Variants in DNPEP observed in about 807,000 individuals in gnomAD.
DNPEP encodes the protein aspartyl aminopeptidase.
Under a neutral mutation model 59.1 loss-of-function variants are expected in DNPEP, and 46 were observed. That is an observed-to-expected ratio of 0.78 (90% CI 0.61 to 0.99). DNPEP has a LOEUF of 0.99. DNPEP is among the 50% of genes least tolerant of loss of function. DNPEP has a pLI of 0.00. For missense variants in DNPEP, 617 were observed against 649.9 expected, an observed-to-expected ratio of 0.95 and a Z score of 0.55; for synonymous variants, 229 against 242.2, an observed-to-expected ratio of 0.95 and a Z score of 0.50.
chr2:219,385,168 C>T (rs968953061), intron 8 of DNPEP: 9 of 443,388 alleles, frequency 2.0e-5, no homozygotes, highest in Non-Finnish European at 3.7e-5. Flanking sequence ...ACAGGGCCCA[C>T]CTGTAGAAGA....
At chr2:219,377,456 A>C (rs1953420820) in intron 13 of DNPEP, among the ~76,000 whole-genome samples, 1 of 152,102 alleles carries the variant, frequency 6.6e-6, no homozygotes, top group Non-Finnish European at 1.5e-5. Context: ...GGTGGGGGGA[A>C]CTGTGCTACA....
rs956810694 is a variant in DNPEP, at chr2:219,398,539, A to C, written c.-158+1401T>G. Among the ~76,000 whole-genome samples, 3 of 152,258 alleles carry C rather than the reference A, an allele frequency of 2.0e-5. No homozygotes were observed. In the East Asian group the frequency reaches 5.8e-4, roughly 29 times the overall value. On this transcript the variant is annotated intron_variant, in intron 1 of 6. Coordinates refer to the DNPEP transcript ENST00000434339. ...GTGGTACATGCCTGTAATCCTAGCTACTTGGGAGGATGAGGCAGGAGAATC... is the reference window on the plus strand; with the variant it reads ...GTGGTACATGCCTGTAATCCTAGCTCCTTGGGAGGATGAGGCAGGAGAATC...
At chr2:219,387,564 TC>T in intron 1 of DNPEP, 194 bp downstream of exon 1, 1 of 1,256,172 alleles carries the variant, frequency 8.0e-7, no homozygotes, top group Non-Finnish European at 1.0e-6. Flanking sequence ...CTGACTCCTC[TC>T]TCGCACCCAC....
At chr2:219,376,167 A>G (rs963442973) in intron 13 of DNPEP, among the ~76,000 whole-genome samples, 3 of 152,178 alleles carry the variant, frequency 2.0e-5, no homozygotes, top group African/African-American at 7.2e-5. Context: ...TGAATAAATG[A>G]AATTCCATGA....
rs188305448 is a variant in DNPEP, at chr2:219,386,366, C to T, written c.379G>A (p.Gly127Ser). Residue 127 changes from glycine to serine, a missense_variant, in exon 5 of 15, where the codon GGT (glycine) becomes AGT (serine). By Grantham distance (56) the Gly-to-Ser change is moderately conservative. Transcript: ENST00000273075. ...RRSQVGFQQV[G>S]VETYGGGIWS... ...ATCCCACCACCATAGGTCTCCACAC[C>T]GACTTGCTGGAAGCCCACCTGGCTG... 109 of 1,614,214 alleles carry T rather than the reference C, an allele frequency of 6.8e-5. No individual in the cohort carries two copies. The highest frequency in any genetic ancestry group is 8.9e-5 in the Non-Finnish European group (105 of 1,180,040).
At chr2:219,383,290 G>T in intron 9 of DNPEP, 76 bp from the exon 10 acceptor site, 1 of 1,286,456 alleles carries the variant, frequency 7.8e-7, no homozygotes, top group African/African-American at 1.5e-5. Flanking sequence ...CACCTTGGGT[G>T]TGCACGCTCC....
chr2:219,380,170 C>A (rs915694186), intron 13 of DNPEP, among the ~76,000 whole-genome samples: 4 of 150,594 alleles, frequency 2.7e-5, no homozygotes, highest in Non-Finnish European at 5.9e-5. Flanking sequence ...TCTTTTATAC[C>A]ATATGCTTCC....
chr2:219,385,612 G>A lies in DNPEP; in HGVS notation c.666+19C>T. 6.2e-7 allele frequency: 1 copy of A among 1,612,380 alleles called. No homozygotes were observed. Among genetic ancestry groups the A allele is most frequent in the Non-Finnish European group, 8.5e-7 (1 of 1,178,804 alleles). On this transcript the variant is annotated intron_variant, in intron 7 of 14. Transcript: ENST00000273075. The stretch of plus-strand genomic sequence containing the variant: ...CAGGGGACTCTGCCGCCCTCCCCAT[G>A]ATCAGGAGACTCTCTTACCACAGCA...
intron 9 of DNPEP, among the ~76,000 whole-genome samples, chr2:219,383,461 G>A (rs1353585647): frequency 6.6e-6 from 1 of 151,888 alleles, no homozygotes; most frequent in Non-Finnish European, 1.5e-5. Flanking sequence ...GTGTGGTGAG[G>A]ACCTTTTTTT....
At chr2:219,386,196 T>C in intron 5 of DNPEP, 90 bp downstream of exon 5, 1 of 1,609,662 alleles carries the variant, frequency 6.2e-7, no homozygotes. Context: ...CTGACCAGAC[T>C]GCCCCCACCC....
chr2:219,381,192 C>CA lies in DNPEP; in HGVS notation c.1239+142dup, dbSNP rs1953580450. ...AGCCAGCATGGAATCCAGCTGTATC[C>CA]AAAATCCCTGCTTTTCTCACTCTAC... On this transcript the variant is annotated intron_variant, in intron 13 of 14. Transcript: ENST00000273075. 4 of 751,244 alleles carry CA rather than the reference C, an allele frequency of 5.3e-6. No homozygotes were observed. The East Asian group carries it at 9.8e-5, about 18-fold the overall frequency. 46.5% of individuals were successfully genotyped at this position (751,244 alleles called of 1,614,324 possible).
intron 1 of DNPEP, chr2:219,399,791 C>T (rs976478256): frequency 3.4e-5 from 42 of 1,238,864 alleles, no homozygotes; most frequent in African/African-American, 2.6e-4. Flanking sequence ...TAAGCCAGTG[C>T]GTGGCTCATG....
Position 219,398,420 on chromosome 2 carries a change from C to T in DNPEP, c.-158+1520G>A, listed in dbSNP as rs181341700. ...ATCCCAGCACTCTGGGAGGCCAAGGCGGGTGGATCACCTGAGGTCAGGGGT... is the reference window on the plus strand; with the variant it reads ...ATCCCAGCACTCTGGGAGGCCAAGGTGGGTGGATCACCTGAGGTCAGGGGT... On this transcript the variant is annotated intron_variant, in intron 1 of 6. Transcript: ENST00000434339. Among the ~76,000 whole-genome samples, 445 of 152,310 alleles carry T rather than the reference C, an allele frequency of 2.9e-3. 5 individuals are homozygous for T. Among genetic ancestry groups the T allele is most frequent in the African/African-American group, 0.01 (419 of 41,578 alleles).
At chr2:219,391,976 C>T (rs1363012492), upstream of DNPEP, among the ~76,000 whole-genome samples, 1 of 151,054 alleles carries the variant, frequency 6.6e-6, no homozygotes, top group African/African-American at 2.4e-5. Context: ...AAGGTGAGGG[C>T]CTTTAGATAA....
At position 219,387,142 on chromosome 2, in the gene DNPEP, G is replaced by C. The variant is rs1354223720; in HGVS notation, c.58C>G (p.Arg20Gly). The change falls in exon 2 of 15, where the codon CGC becomes GGC. Residue 20 changes from arginine to glycine, a missense_variant. Physicochemically the swap from Arg to Gly is moderately radical, Grantham distance 125. Coordinates refer to ENST00000273075, the MANE Select transcript of DNPEP (RefSeq NM_012100.4). ...GCCGCAGTCTGCACCGCCTCTTTGCGGGCCTTACCGTTCATGGCCACCTAG... is the reference window on the plus strand; with the variant it reads ...GCCGCAGTCTGCACCGCCTCTTTGCCGGCCTTACCGTTCATGGCCACCTAG... ...AMQVAMNGKA[R>G]KEAVQTAAKE... 1 of 1,563,166 alleles carries C rather than the reference G, an allele frequency of 6.4e-7. No individual in the cohort carries two copies. The highest frequency in any genetic ancestry group is 1.2e-5 in the South Asian group (1 of 85,670).
Position 219,385,628 on chromosome 2 carries a change from T to TA in DNPEP, c.666+2dup, listed in dbSNP as rs758143872. The stretch of plus-strand genomic sequence containing the variant: ...CCTCCCCATGATCAGGAGACTCTCT[T>TA]ACCACAGCATTGAGAGGCCCTGGCT... On this transcript the variant is annotated splice_region_variant and intron_variant, in intron 7 of 14. Coordinates refer to ENST00000273075, the MANE Select transcript of DNPEP (RefSeq NM_012100.4). 1.2e-6 allele frequency: 2 copies of TA among 1,613,016 alleles called. No individual in the cohort carries two copies. The highest frequency in any genetic ancestry group is 1.7e-6 in the Non-Finnish European group (2 of 1,179,428).
intron 13 of DNPEP, among the ~76,000 whole-genome samples, chr2:219,377,277 CAAAAAAAAAAAAA>C (rs386392672): frequency 3.0e-5 from 2 of 66,096 alleles, no homozygotes; most frequent in South Asian, 1.6e-3. Flanking sequence ...CTCACTCTGT[CAAAAAAAAAAAAA>C]AAAAAAAAAA....
At chr2:219,399,410 A>G in intron 1 of DNPEP, 1 of 457,344 alleles carries the variant, frequency 2.2e-6, no homozygotes, top group Non-Finnish European at 4.4e-6. Flanking sequence ...CCGGAGTGCT[A>G]TTTAAAATGC....
rs761036269 is a variant in DNPEP at position 219,385,960 on chromosome 2, A to G, written c.590+8T>C. 3 of 1,613,990 alleles carry G rather than the reference A, an allele frequency of 1.9e-6. No individual in the cohort carries two copies. The East Asian group carries it at 6.7e-5, about 36-fold the overall frequency. ...CTCCCAGCCACCGCAGCCCTGCCCC[A>G]GTCTCACAGATGCATCTCTGTGTTG... is the stretch of plus-strand genomic sequence containing the variant. On this transcript the variant is annotated splice_region_variant and intron_variant, in intron 6 of 14. Coordinates refer to ENST00000273075, the MANE Select transcript of DNPEP (RefSeq NM_012100.4).
Sources: allele counts gnomAD v4.1 joint callset (sites outside exome capture counted in the v4.1 genomes callset), GRCh38; gene constraint gnomAD v4.1.1; transcripts MANE v1.5; gene names NCBI Gene and HGNC (gene_info 2026-07-23, HGNC 2026-07-21).